The following ANO4 variants were observed in gnomAD, a reference collection of about 807,000 sequenced individuals.
The protein encoded by ANO4 is anoctamin-4.
Under a neutral mutation model 141.9 loss-of-function variants are expected in ANO4, and 69 were observed. The ratio of observed to expected loss-of-function variants is 0.49; its 90% confidence interval spans 0.40 to 0.59. The LOEUF is 0.59. Ranked by LOEUF, ANO4 falls within the 20% of genes least tolerant of loss-of-function variation. ANO4 has a pLI of 0.00. For missense variants in ANO4, 894 were observed against 1,162.2 expected (o/e 0.77, Z 3.36); for synonymous variants, 350 against 394.3 (o/e 0.89, Z 1.33).
rs530860865 is a variant in ANO4 at position 100,779,928 on chromosome 12, C to G, written c.358+39823C>G. On this transcript the variant is annotated intron_variant, in intron 3 of 29. Coordinates refer to the ANO4 transcript ENST00000644049. ...TGCTCCAAAAATACTTTGTATTTCC[C>G]AGCCATTAAAAAATTAATATTTATT... 2.0e-5 allele frequency among the ~76,000 whole-genome samples: 3 copies of G among 152,264 alleles called. No individual in the cohort carries two copies. The East Asian group carries it at 5.8e-4, about 29-fold the overall frequency.
intron 3 of ANO4, among the ~76,000 whole-genome samples, chr12:100,746,576 G>T (rs1163343617): frequency 6.6e-6 from 1 of 152,124 alleles, no homozygotes; most frequent in Non-Finnish European, 1.5e-5. Flanking sequence ...GTTTCACAGG[G>T]GACATTTGGC....
At chr12:100,909,053 C>A (rs1284226766) in intron 2 of ANO4, among the ~76,000 whole-genome samples, 1 of 152,070 alleles carries the variant, frequency 6.6e-6, no homozygotes, top group African/African-American at 2.4e-5. Context: ...AGTCAGGGTT[C>A]TTTGTTACCA....
chr12:101,020,030 G>A lies in ANO4; in HGVS notation c.735-4G>A. 6.2e-7 allele frequency: 1 copy of A among 1,602,580 alleles called. No homozygotes were observed. The highest frequency in any genetic ancestry group is 1.1e-5 in the South Asian group (1 of 90,616). On this transcript the variant is annotated splice_region_variant and splice_polypyrimidine_tract_variant and intron_variant, in intron 8 of 27. Coordinates refer to ENST00000392977, the MANE Select transcript of ANO4 (RefSeq NM_001286615.2). ...CAACTTGTATTTTTAATATATGTAT[G>A]CAGCTTCATCATACACAACAAAGAA...
At chr12:100,747,165 A>G (rs1362594064) in intron 3 of ANO4, among the ~76,000 whole-genome samples, 1 of 152,160 alleles carries the variant, frequency 6.6e-6, no homozygotes, top group Non-Finnish European at 1.5e-5. Flanking sequence ...GACTTACACC[A>G]AAGTCTGATC....
intron 3 of ANO4, among the ~76,000 whole-genome samples, chr12:100,756,596 C>T (rs1043291038): frequency 2.6e-5 from 4 of 152,176 alleles, no homozygotes; most frequent in African/African-American, 9.6e-5. Context: ...GATTCACCCA[C>T]CTTGGCCTCC....
chr12:101,066,950 G>A (rs1201334230), intron 14 of ANO4: 1 of 655,688 alleles, frequency 1.5e-6, no homozygotes, highest in Admixed American at 1.9e-5. Context: ...TGAGGACTTT[G>A]TGTGACTACA....
rs2051396718 is a variant in ANO4, at chr12:101,128,018, G to A, written c.*162G>A. ...AGCATCCAGTAGAGGACTGGCGTTG[G>A]AGTCACACTGCTGTGAAATCACGTT... On this transcript the variant is annotated 3_prime_UTR_variant, in exon 28 of 28. Coordinates refer to ENST00000392977, the MANE Select transcript of ANO4 (RefSeq NM_001286615.2). The A allele has an allele frequency of 6.6e-6, 1 of 152,634 alleles. No individual in the cohort carries two copies. Among genetic ancestry groups the A allele is most frequent in the South Asian group, 2.1e-4 (1 of 4,822 alleles). The allele number at this position is 152,634 out of a possible 1,614,324, so 9.5% of individuals were successfully genotyped here. A position where few individuals can be genotyped will look rare whatever the true frequency, so the allele number is the denominator to read the frequency against.
At chr12:100,880,807 C>T (rs1057182035) in intron 1 of ANO4, among the ~76,000 whole-genome samples, 1 of 152,080 alleles carries the variant, frequency 6.6e-6, no homozygotes, top group Non-Finnish European at 1.5e-5. Context: ...CAGGTCTTTG[C>T]GCTATGAGAG....
At chr12:100,925,856 C>CAT (rs138142988) in intron 3 of ANO4, among the ~76,000 whole-genome samples, 33,447 of 148,982 alleles carry the variant, frequency 0.22, 4,525 homozygotes, top group South Asian at 0.4. Context: ...TACACACACA[C>CAT]ATATATATAT....
chr12:100,800,736 C>A (rs143039665), intron 1 of ANO4, among the ~76,000 whole-genome samples: 37 of 152,310 alleles, frequency 2.4e-4, no homozygotes, highest in African/African-American at 8.7e-4. Flanking sequence ...GTCCATGGAA[C>A]AAATCACAGA....
At chr12:101,075,350 G>A (rs1566211368) in intron 14 of ANO4, among the ~76,000 whole-genome samples, 1 of 152,108 alleles carries the variant, frequency 6.6e-6, no homozygotes, top group Non-Finnish European at 1.5e-5. Context: ...TATAGGTGAT[G>A]TGGCTCCACT....
At chr12:100,988,277 A>G (rs2044819215) in intron 8 of ANO4, among the ~76,000 whole-genome samples, 1 of 152,144 alleles carries the variant, frequency 6.6e-6, no homozygotes, top group African/African-American at 2.4e-5. Context: ...GGAACTGCAA[A>G]AATGAAAGAG....
chr12:100,771,782 G>T (rs767425478), intron 3 of ANO4, among the ~76,000 whole-genome samples: 1 of 152,230 alleles, frequency 6.6e-6, no homozygotes, highest in Admixed American at 6.5e-5. Context: ...ATCGGCTTCT[G>T]CATGAAGATG....
At chr12:101,062,192 G>T (rs966012449) in intron 14 of ANO4, among the ~76,000 whole-genome samples, 11 of 152,168 alleles carry the variant, frequency 7.2e-5, no homozygotes, top group Non-Finnish European at 1.5e-5. Context: ...GACCCTGTTT[G>T]CCTGGGTATC....
At chr12:100,943,111 G>T (rs2042583493) in intron 5 of ANO4, among the ~76,000 whole-genome samples, 1 of 152,180 alleles carries the variant, frequency 6.6e-6, no homozygotes, top group Non-Finnish European at 1.5e-5. Context: ...TGCATGGGGA[G>T]CTTCAAGGCA....
At position 101,086,761 on chromosome 12, in the gene ANO4, TC is replaced by T; in HGVS notation, c.1639del (p.Gln547ArgfsTer19). ...FKWALIRNNS[Q>X]VATTGTAVCI... Reference sequence around the variant, plus strand: ...AGTGGGCGTTAATCAGGAATAACTCTCAGGTTGCAACCACAGGGACTGCTGT... The same window carrying T: ...AGTGGGCGTTAATCAGGAATAACTCTAGGTTGCAACCACAGGGACTGCTGT... On this transcript the variant is annotated frameshift_variant, in exon 17 of 28. Transcript: ENST00000392977. LOFTEE classifies it high-confidence loss of function. 6.2e-7 allele frequency: 1 copy of T among 1,613,850 alleles called. No homozygotes were observed. The highest frequency in any genetic ancestry group is 8.5e-7 in the Non-Finnish European group (1 of 1,179,798).
intron 8 of ANO4, among the ~76,000 whole-genome samples, chr12:100,993,612 A>C (rs1213350483): frequency 6.6e-6 from 1 of 152,128 alleles, no homozygotes; most frequent in Non-Finnish European, 1.5e-5. Context: ...TCTCTGATTC[A>C]TGTAGTCATT....
chr12:101,040,004 A>G lies in ANO4; in HGVS notation c.947A>G (p.His316Arg), dbSNP rs1205894132. The change falls in exon 11 of 28, where the codon CAC becomes CGC. Residue 316 changes from histidine (H) to arginine (R), a missense_variant. His to Arg is a conservative substitution (Grantham distance 29). Coordinates refer to ENST00000392977, the MANE Select transcript of ANO4 (RefSeq NM_001286615.2). ...ATTCGAACCCATGGAGCAGAAAACC[A>G]CCGACATCTACTCTATGAGTGCTGG... ...NSIRTHGAEN[H>R]RHLLYECWAS... 6.2e-7 allele frequency: 1 copy of G among 1,613,620 alleles called. No homozygotes were observed. The highest frequency in any genetic ancestry group is 2.2e-5 in the East Asian group (1 of 44,880).
At chr12:100,798,807 A>G (rs1363225678) in intron 1 of ANO4, among the ~76,000 whole-genome samples, 1 of 152,248 alleles carries the variant, frequency 6.6e-6, no homozygotes. Flanking sequence ...GAAGAAATGT[A>G]AAAACACATA....
Sources: gnomAD v4.1 joint callset for allele counts (sites outside exome capture counted in the v4.1 genomes callset) on GRCh38, gnomAD v4.1.1 for gene constraint, MANE v1.5 for transcripts, NCBI Gene and HGNC (gene_info 2026-07-23, HGNC 2026-07-21) for gene names.